FAF1: variants seen among roughly 807,000 people sequenced by gnomAD.
The protein encoded by FAF1 is Fas associated factor 1.
A neutral mutation model predicts 92.5 loss-of-function variants in FAF1; 25 were observed. That is an observed-to-expected ratio of 0.27 (90% CI 0.20 to 0.38). FAF1 has a LOEUF of 0.38. FAF1 is among the 10% of genes least tolerant of loss of function. The pLI is 1.00. For missense variants in FAF1, 636 were observed against 793.3 expected, an observed-to-expected ratio of 0.80 and a Z score of 2.38; for synonymous variants, 234 against 273.2, an observed-to-expected ratio of 0.86 and a Z score of 1.42.
At chr1:50,698,145 T>TTGTG (rs147009094) in intron 7 of FAF1, among the ~76,000 whole-genome samples, 3 of 151,612 alleles carry the variant, frequency 2.0e-5, no homozygotes, top group Non-Finnish European at 4.4e-5. Context: ...GTTTAATTTC[T>TTGTG]TGTGTGTGTG....
chr1:50,796,297 A>C (rs1201617461), intron 3 of FAF1, among the ~76,000 whole-genome samples: 1 of 151,886 alleles, frequency 6.6e-6, no homozygotes, highest in Non-Finnish European at 1.5e-5. Flanking sequence ...TCACCCCAAC[A>C]CTGGCACTCA....
intron 2 of FAF1, among the ~76,000 whole-genome samples, chr1:50,813,404 C>T (rs1215073118): frequency 6.6e-6 from 1 of 152,106 alleles, no homozygotes. Context: ...TTTCCTCCTG[C>T]ATACACATTT....
chr1:50,735,567 T>C (rs1423364887), intron 6 of FAF1, among the ~76,000 whole-genome samples: 1 of 152,194 alleles, frequency 6.6e-6, no homozygotes, highest in Non-Finnish European at 1.5e-5. Context: ...AGGCACCCCC[T>C]AGTGGCAGTA....
chr1:50,898,975 T>C (rs1028264074), intron 1 of FAF1, among the ~76,000 whole-genome samples: 1 of 152,206 alleles, frequency 6.6e-6, no homozygotes, highest in African/African-American at 2.4e-5. Context: ...TTCTGCAGAT[T>C]CCAATTACAC....
intron 18 of FAF1, among the ~76,000 whole-genome samples, chr1:50,467,461 G>A (rs1190770083): frequency 6.6e-6 from 1 of 152,014 alleles, no homozygotes; most frequent in African/African-American, 2.4e-5. Flanking sequence ...CCACAGGCAT[G>A]TGCCACCATG....
At chr1:50,779,778 A>G (rs1462041878) in intron 4 of FAF1, among the ~76,000 whole-genome samples, 1 of 152,016 alleles carries the variant, frequency 6.6e-6, no homozygotes, top group Non-Finnish European at 1.5e-5. Context: ...CATAGATAAT[A>G]CATTTTTTAA....
At chr1:50,931,882 AT>A (rs1645049700) in intron 1 of FAF1, among the ~76,000 whole-genome samples, 1 of 51,650 alleles carries the variant, frequency 1.9e-5, no homozygotes, top group African/African-American at 6.6e-5. Context: ...TCAAAAATAA[AT>A]AAATAAATAA....
chr1:50,475,373 C>G (rs1646625912), intron 18 of FAF1, 91 bp downstream of exon 18: 2 of 964,108 alleles, frequency 2.1e-6, no homozygotes, highest in Non-Finnish European at 3.2e-6. Flanking sequence ...TTGCCTGCAC[C>G]ATGGGACTTT....
chr1:50,783,963 TAAAC>T (rs1027866261), intron 4 of FAF1, among the ~76,000 whole-genome samples: 4 of 152,096 alleles, frequency 2.6e-5, no homozygotes, highest in African/African-American at 9.7e-5. Flanking sequence ...ATCATCTCAA[TAAAC>T]AAAAAGCTTT....
At chr1:50,700,833 A>G (rs1300223197) in intron 7 of FAF1, among the ~76,000 whole-genome samples, 1 of 152,162 alleles carries the variant, frequency 6.6e-6, no homozygotes, top group Non-Finnish European at 1.5e-5. Flanking sequence ...TATCCAATCC[A>G]GATTATTCTA....
chr1:50,941,237 A>G (rs1355204550), intron 1 of FAF1, among the ~76,000 whole-genome samples: 1 of 151,714 alleles, frequency 6.6e-6, no homozygotes, highest in Non-Finnish European at 1.5e-5. Context: ...ACAAGGGCTC[A>G]CTCACTCTGT....
intron 16 of FAF1, 59 bp from the exon 17 acceptor site, chr1:50,490,724 G>C (rs1023160813): frequency 4.8e-6 from 5 of 1,037,896 alleles, no homozygotes; most frequent in Non-Finnish European, 7.5e-6. Context: ...CAAAGAAAGA[G>C]AGAAATAAGG....
At chr1:50,819,802 C>CATATAT (rs760445644) in intron 2 of FAF1, among the ~76,000 whole-genome samples, 1 of 86,198 alleles carries the variant, frequency 1.2e-5, no homozygotes, top group African/African-American at 4.7e-5. Context: ...TATATATATA[C>CATATAT]ATATATATAT....
chr1:50,500,457 A>T (rs1646970556), intron 15 of FAF1, among the ~76,000 whole-genome samples: 1 of 152,222 alleles, frequency 6.6e-6, no homozygotes, highest in Non-Finnish European at 1.5e-5. Flanking sequence ...CTGGATATCC[A>T]TCTCTTCCTG....
intron 2 of FAF1, among the ~76,000 whole-genome samples, chr1:50,833,600 C>T (rs1451358284): frequency 6.6e-6 from 1 of 152,102 alleles, no homozygotes; most frequent in African/African-American, 2.4e-5. Flanking sequence ...TGTCCTCTCC[C>T]CAGAGGTTGG....
chr1:50,566,215 A>T (rs181961772), intron 13 of FAF1, among the ~76,000 whole-genome samples: 1 of 152,246 alleles, frequency 6.6e-6, no homozygotes, highest in African/African-American at 2.4e-5. Flanking sequence ...AGTCTGAATG[A>T]TGACCAAAAA....
At chr1:50,594,990 AC>A (rs1236413112) in intron 9 of FAF1, among the ~76,000 whole-genome samples, 2 of 151,510 alleles carry the variant, frequency 1.3e-5, no homozygotes. Flanking sequence ...TTTCTTTAGG[AC>A]CCCTGTGTGC....
At chr1:50,479,566 A>C (rs1646676913) in intron 17 of FAF1, among the ~76,000 whole-genome samples, 1 of 152,166 alleles carries the variant, frequency 6.6e-6, no homozygotes, top group Non-Finnish European at 1.5e-5. Flanking sequence ...ATCAGAACTT[A>C]ATGTGATATT....
At chr1:50,825,687 G>A (rs888525963) in intron 2 of FAF1, among the ~76,000 whole-genome samples, 1 of 151,934 alleles carries the variant, frequency 6.6e-6, no homozygotes, top group Non-Finnish European at 1.5e-5. Context: ...TAATAACAAA[G>A]ATAACTGGAT....
Sources: gnomAD v4.1 joint callset for allele counts (sites outside exome capture counted in the v4.1 genomes callset) on GRCh38, gnomAD v4.1.1 for gene constraint, MANE v1.5 for transcripts, NCBI Gene and HGNC (gene_info 2026-07-23, HGNC 2026-07-21) for gene names.